Variants in GALNT17 observed in about 807,000 individuals in gnomAD.
The protein encoded by GALNT17 is UDP-GalNAc:polypeptide N-acetylgalactosaminyltransferase-like 3.
Under a neutral mutation model 63.7 loss-of-function variants are expected in GALNT17, and 29 were observed. The observed-to-expected ratio is 0.46, with a 90% CI of 0.34 to 0.62. The LOEUF is 0.62. GALNT17 is among the 20% of genes least tolerant of loss of function. The pLI is 0.01. For synonymous variants in GALNT17, 305 were observed against 318.3 expected (o/e 0.96, Z 0.45); for missense variants, 603 against 799.6 (o/e 0.75, Z 2.97).
chr7:71,353,764 T>C (rs1197337138), intron 2 of GALNT17, among the ~76,000 whole-genome samples: 4 of 152,206 alleles, frequency 2.6e-5, no homozygotes, highest in Admixed American at 2.0e-4. Flanking sequence ...GTCTCATTAC[T>C]GGTGGTGATA....
intron 1 of GALNT17, among the ~76,000 whole-genome samples, chr7:71,328,569 G>A (rs544222914): frequency 2.8e-4 from 43 of 152,182 alleles, no homozygotes; most frequent in Admixed American, 2.2e-3. Flanking sequence ...ACTTGAGTTC[G>A]GCTGGTGGAC....
At chr7:71,565,936 TG>T in intron 5 of GALNT17, among the ~76,000 whole-genome samples, 1 of 148,614 alleles carries the variant, frequency 6.7e-6, no homozygotes, top group East Asian at 2.0e-4. Flanking sequence ...CTCTGCCTCC[TG>T]GGTTCAAGCG....
intron 6 of GALNT17, among the ~76,000 whole-genome samples, chr7:71,619,967 A>G (rs1337010960): frequency 3.3e-5 from 5 of 152,050 alleles, no homozygotes; most frequent in Non-Finnish European, 7.4e-5. Context: ...TGTTCATTCG[A>G]TGTCTTGTCT....
At chr7:71,221,232 T>C (rs1393952928) in intron 1 of GALNT17, among the ~76,000 whole-genome samples, 2 of 152,156 alleles carry the variant, frequency 1.3e-5, no homozygotes, top group African/African-American at 4.8e-5. Context: ...GAGAGCAGCA[T>C]TCTATCCATG....
chr7:71,285,161 T>A (rs188796460), intron 1 of GALNT17, among the ~76,000 whole-genome samples: 60 of 152,352 alleles, frequency 3.9e-4, no homozygotes, highest in Non-Finnish European at 7.3e-5. Context: ...GTAAGGTTTT[T>A]ATTAACTACC....
intron 2 of GALNT17, among the ~76,000 whole-genome samples, chr7:71,369,916 G>A (rs973593835): frequency 6.6e-6 from 1 of 151,516 alleles, no homozygotes; most frequent in African/African-American, 2.4e-5. Flanking sequence ...ACGTTCAAAA[G>A]CCAGTGGAAA....
At chr7:71,226,827 A>G (rs115122956) in intron 1 of GALNT17, among the ~76,000 whole-genome samples, 2,179 of 152,170 alleles carry the variant, frequency 0.014, 51 homozygotes, top group African/African-American at 0.05. Flanking sequence ...TTATACATGA[A>G]TGGAAAGTAT....
intron 1 of GALNT17, among the ~76,000 whole-genome samples, chr7:71,332,573 C>G (rs545886547): frequency 1.3e-4 from 20 of 152,222 alleles, no homozygotes; most frequent in Admixed American, 1.1e-3. Context: ...TTTTAGGTAT[C>G]TTGCTGGAAA....
intron 1 of GALNT17, among the ~76,000 whole-genome samples, chr7:71,241,278 A>G (rs7794244): frequency 0.056 from 8,599 of 152,228 alleles, 828 homozygotes; most frequent in African/African-American, 0.2. Context: ...TTGGGTAAGT[A>G]AGCTCCCTGG....
intron 1 of GALNT17, among the ~76,000 whole-genome samples, chr7:71,159,541 T>G (rs1005057354): frequency 6.6e-6 from 1 of 150,840 alleles, no homozygotes; most frequent in Non-Finnish European, 1.5e-5. Flanking sequence ...TTATGTAATT[T>G]AATATAATTA....
At chr7:71,248,543 C>G (rs1413779833) in intron 1 of GALNT17, among the ~76,000 whole-genome samples, 1 of 152,060 alleles carries the variant, frequency 6.6e-6, no homozygotes, top group Non-Finnish European at 1.5e-5. Context: ...AAAATGAGAA[C>G]AGTTGATGTG....
At chr7:71,168,143 A>G (rs1047110585) in intron 1 of GALNT17, among the ~76,000 whole-genome samples, 1 of 152,116 alleles carries the variant, frequency 6.6e-6, no homozygotes, top group African/African-American at 2.4e-5. Flanking sequence ...ATGTATGTCT[A>G]GGTAGGGTTT....
At chr7:71,521,514 G>C (rs948023492) in intron 5 of GALNT17, among the ~76,000 whole-genome samples, 3 of 152,176 alleles carry the variant, frequency 2.0e-5, no homozygotes, top group African/African-American at 7.2e-5. Context: ...GAAGGGCTTG[G>C]AGCCTCCTTG....
At chr7:71,611,526 A>G (rs891350008) in intron 6 of GALNT17, among the ~76,000 whole-genome samples, 3 of 152,028 alleles carry the variant, frequency 2.0e-5, no homozygotes, top group African/African-American at 7.2e-5. Flanking sequence ...TCCTTTAGGA[A>G]TCTCTCTGCT....
At chr7:71,535,720 G>T (rs2116792261) in intron 5 of GALNT17, among the ~76,000 whole-genome samples, 1 of 152,302 alleles carries the variant, frequency 6.6e-6, no homozygotes, top group East Asian at 1.9e-4. Context: ...GTGTTAGGAA[G>T]AGTGGCTAAC....
intron 5 of GALNT17, among the ~76,000 whole-genome samples, chr7:71,530,605 G>A (rs111628751): frequency 0.063 from 9,459 of 150,924 alleles, 411 homozygotes; most frequent in Non-Finnish European, 0.099. Context: ...ACAGAGTCTC[G>A]CTCTGTCGCC....
intron 6 of GALNT17, among the ~76,000 whole-genome samples, chr7:71,624,993 A>G (rs78947111): frequency 0.11 from 17,276 of 152,150 alleles, 1,156 homozygotes; most frequent in Non-Finnish European, 0.15. Flanking sequence ...GAATAAGGCA[A>G]GTGGCGTCAT....
At chr7:71,584,769 T>TA (rs1489337426) in intron 6 of GALNT17, among the ~76,000 whole-genome samples, 1 of 152,130 alleles carries the variant, frequency 6.6e-6, no homozygotes, top group East Asian at 1.9e-4. Flanking sequence ...TTTATTTATT[T>TA]ATTTAATTTA....
At chr7:71,341,440 C>T (rs1792003259) in intron 2 of GALNT17, among the ~76,000 whole-genome samples, 1 of 152,056 alleles carries the variant, frequency 6.6e-6, no homozygotes, top group African/African-American at 2.4e-5. Context: ...TAGAAGATCC[C>T]ACCCAGTTCC....
Sources: allele counts gnomAD v4.1 joint callset (sites outside exome capture counted in the v4.1 genomes callset), GRCh38; gene constraint gnomAD v4.1.1; transcripts MANE v1.5; gene names NCBI Gene and HGNC (gene_info 2026-07-23, HGNC 2026-07-21).